SLC2A7: variants seen among roughly 807,000 people sequenced by gnomAD.
The protein encoded by SLC2A7 is solute carrier family 2 member 7, also known as solute carrier family 2, facilitated glucose transporter member 7.
Under a neutral mutation model 50.5 loss-of-function variants are expected in SLC2A7, and 50 were observed. The observed-to-expected ratio is 0.99, with a 90% CI of 0.79 to 1.25. The LOEUF is 1.25. SLC2A7 is among the 50% of genes most tolerant of loss of function. SLC2A7 has a pLI of 0.00. For synonymous variants in SLC2A7, 308 were observed against 300.4 expected (o/e 1.03, Z -0.26); for missense variants, 683 against 679.1 (o/e 1.01, Z -0.06).
At chr1:9,020,675 C>T (rs813983) in intron 3 of SLC2A7, among the ~76,000 whole-genome samples, 104,094 of 143,066 alleles carry the variant, frequency 0.73, 38,050 homozygotes, top group East Asian at 0.95. Flanking sequence ...GATATTCTCT[C>T]TTTTTTTTTT....
rs759102830 is a variant in SLC2A7 at position 9,024,957 on chromosome 1, G to A, written c.150+19C>T. On this transcript the variant is annotated intron_variant, in intron 2 of 11. Coordinates refer to ENST00000400906, the MANE Select transcript of SLC2A7 (RefSeq NM_207420.3). The stretch of plus-strand genomic sequence containing the variant: ...GGTCAGCTGCTGCCCGGCCCACCTT[G>A]TGCCCACCTTGTGCCCACCTTGTGC... The A allele has an allele frequency of 1.2e-6, 2 of 1,610,458 alleles. No individual in the cohort carries two copies. Among genetic ancestry groups the A allele is most frequent in the Non-Finnish European group, 1.7e-6 (2 of 1,177,928 alleles).
chr1:9,010,926 G>A (rs563254009), intron 8 of SLC2A7, among the ~76,000 whole-genome samples: 3 of 152,276 alleles, frequency 2.0e-5, no homozygotes, highest in African/African-American at 7.2e-5. Context: ...CAAACAAACC[G>A]CTGTCTGGGA....
chr1:9,005,781 C>CAAA (rs75636224), intron 10 of SLC2A7, among the ~76,000 whole-genome samples: 11 of 42,596 alleles, frequency 2.6e-4, no homozygotes, highest in African/African-American at 7.6e-4. Context: ...GACTCCAACT[C>CAAA]AAAAAAAAAA....
chr1:9,006,884 T>C (rs1242601201), intron 10 of SLC2A7, among the ~76,000 whole-genome samples: 1 of 152,136 alleles, frequency 6.6e-6, no homozygotes. Flanking sequence ...GACAGTGTAA[T>C]AAGGGACTGT....
chr1:9,010,593 A>G (rs1386904731), intron 8 of SLC2A7, among the ~76,000 whole-genome samples: 1 of 152,096 alleles, frequency 6.6e-6, no homozygotes, highest in Admixed American at 6.5e-5. Context: ...CCTGGCCTCA[A>G]GTGATCCTCC....
the SLC2A7 span, among the ~76,000 whole-genome samples, chr1:8,993,179 T>G: frequency 6.6e-6 from 1 of 152,344 alleles, no homozygotes; most frequent in South Asian, 2.1e-4. Flanking sequence ...AGAGAGCTTG[T>G]GCAGAGGAAC....
downstream of SLC2A7, among the ~76,000 whole-genome samples, chr1:8,999,866 A>G (rs1209222587): frequency 6.6e-6 from 1 of 152,166 alleles, no homozygotes; most frequent in African/African-American, 2.4e-5. Flanking sequence ...ACAGATCCAG[A>G]CAGAGAATGG....
rs950708358 is a variant in SLC2A7 at position 9,014,592 on chromosome 1, C to A, written c.903+89G>T. On this transcript the variant is annotated intron_variant, in intron 7 of 11. Transcript: ENST00000400906. ...ACTGATCCTGGCCCCACTGCCAGGC[C>A]AGGCCTCTGTGGGTGGAACTGTGTG... is the stretch of plus-strand genomic sequence containing the variant. 4 of 1,486,010 alleles carry A rather than the reference C, an allele frequency of 2.7e-6. No homozygotes were observed. In the Admixed American group the frequency reaches 6.9e-5, roughly 25 times the overall value. The allele number at this position is 1,486,010 out of a possible 1,614,324, so 92.1% of individuals were successfully genotyped here.
intron 8 of SLC2A7, among the ~76,000 whole-genome samples, chr1:9,012,230 G>A (rs67643706): frequency 0.15 from 22,838 of 152,218 alleles, 2,110 homozygotes; most frequent in Admixed American, 0.2. Flanking sequence ...GGGAAATACT[G>A]TCAATTTCCT....
chr1:9,023,128 G>C lies in SLC2A7; in HGVS notation c.151-50C>G, dbSNP rs770051006. The C allele has an allele frequency of 2.5e-6, 4 of 1,578,874 alleles. No individual in the cohort carries two copies. The South Asian group carries it at 4.6e-5, about 18-fold the overall frequency. On this transcript the variant is annotated intron_variant, in intron 2 of 11. Coordinates refer to ENST00000400906, the MANE Select transcript of SLC2A7 (RefSeq NM_207420.3). The stretch of plus-strand genomic sequence containing the variant: ...GCTAAGAATATTGGGCAGTTCATGA[G>C]AAATGAGAAAGTGTTCTCAGTGGCC...
chr1:9,004,886 G>C lies in SLC2A7; in HGVS notation c.1193-7C>G. The C allele has an allele frequency of 6.2e-7, 1 of 1,612,984 alleles. No homozygotes were observed. On this transcript the variant is annotated splice_polypyrimidine_tract_variant and splice_region_variant and intron_variant, in intron 10 of 11. Transcript: ENST00000400906. The stretch of plus-strand genomic sequence containing the variant: ...ACCACCGAGGGGACAGGACCTGGAG[G>C]GCAGAGCAGGATGGGTGGGGCGGAG...
intron 7 of SLC2A7, among the ~76,000 whole-genome samples, chr1:9,014,108 C>G (rs142804213): frequency 5.3e-5 from 8 of 152,240 alleles, no homozygotes; most frequent in African/African-American, 1.9e-4. Flanking sequence ...GCCATCTACC[C>G]TCCCACGATC....
intron 6 of SLC2A7, 61 bp downstream of exon 6, chr1:9,015,056 C>T (rs758780698): frequency 9.4e-6 from 15 of 1,601,526 alleles, no homozygotes; most frequent in Middle Eastern, 1.7e-4. Flanking sequence ...TGGCCCTGAC[C>T]GTGTCTCTGC....
intron 10 of SLC2A7, among the ~76,000 whole-genome samples, chr1:9,005,363 C>T (rs7544111): frequency 0.2 from 29,693 of 152,134 alleles, 3,549 homozygotes; most frequent in Non-Finnish European, 0.27. Flanking sequence ...TTTTCATTAT[C>T]GCTTCCTTAA....
intron 10 of SLC2A7, 21 bp from the exon 11 acceptor site, chr1:9,004,900 G>A: frequency 6.2e-7 from 1 of 1,610,050 alleles, no homozygotes; most frequent in Admixed American, 1.7e-5. Context: ...GAGCAGGATG[G>A]GTGGGGCGGA....
At chr1:9,020,554 C>CG in intron 3 of SLC2A7, among the ~76,000 whole-genome samples, 1 of 144,248 alleles carries the variant, frequency 6.9e-6, no homozygotes, top group South Asian at 2.4e-4. Flanking sequence ...TCCTGTGCCC[C>CG]CCCCCACCCC....
rs1289819852 is a variant in SLC2A7, at chr1:9,008,343, G to C, written c.1117-958C>G. Among the ~76,000 whole-genome samples, 1 of 152,136 alleles carries C rather than the reference G, an allele frequency of 6.6e-6. No homozygotes were observed. The highest frequency in any genetic ancestry group is 2.4e-5 in the African/African-American group (1 of 41,414). On this transcript the variant is annotated intron_variant, in intron 9 of 11. Transcript: ENST00000400906. The surrounding 1 kb of genome is among the most constrained non-coding windows in gnomAD (Gnocchi z 5.9). Reference sequence around the variant, plus strand: ...TTTCAACAAGAAGAGAAGGCAGGAGGATTGGGGCCATTCAACACTTCAAGC... The same window carrying C: ...TTTCAACAAGAAGAGAAGGCAGGAGCATTGGGGCCATTCAACACTTCAAGC...
At chr1:9,015,000 C>A in intron 6 of SLC2A7, 117 bp downstream of exon 6, 1 of 1,523,810 alleles carries the variant, frequency 6.6e-7, no homozygotes. Context: ...CCCCCCACCC[C>A]GTTCAGCTCC....
intron 3 of SLC2A7, among the ~76,000 whole-genome samples, chr1:9,019,607 C>A (rs1288624840): frequency 6.6e-6 from 1 of 152,140 alleles, no homozygotes; most frequent in Non-Finnish European, 1.5e-5. Flanking sequence ...ATACAAGAAA[C>A]CACTCTCTTT....
Sources: allele counts gnomAD v4.1 joint callset (sites outside exome capture counted in the v4.1 genomes callset), GRCh38; gene constraint gnomAD v4.1.1; non-coding constraint Gnocchi (gnomAD v3.1); transcripts MANE v1.5; gene names NCBI Gene and HGNC (gene_info 2026-07-23, HGNC 2026-07-21).